The following HERC1 variants were observed in gnomAD, a reference collection of about 807,000 sequenced individuals.
HERC1 encodes the protein HECT and RLD domain containing E3 ubiquitin protein ligase family member 1.
HERC1 carries 160 observed loss-of-function variants against 554.3 expected under a neutral mutation model. The observed-to-expected ratio is 0.29, with a 90% confidence interval of 0.25 to 0.33. The LOEUF is 0.33. HERC1 is among the 10% of genes least tolerant of loss of function. The probability of loss-of-function intolerance (pLI) is 1.00; values close to 1 mark genes in which losing one functional copy is unlikely to be tolerated. For synonymous variants in HERC1, 2,175 were observed against 2,131.7 expected (o/e 1.02, Z -0.56); for missense variants, 4,919 against 5,918.5 (o/e 0.83, Z 5.54).
Position 63,643,032 on chromosome 15 carries a change from C to G in HERC1, c.11358G>C (p.Val3786=). Residue 3786 remains valine, a synonymous_variant, in exon 59 of 78, where the codon GTG becomes GTC. Coordinates refer to ENST00000443617, the MANE Select transcript of HERC1 (RefSeq NM_003922.4). The stretch of plus-strand genomic sequence containing the variant: ...TGGTCTGAATAGCTCCAGAGCCTAT[C>G]ACAACAGTTTGCAAGACAGAGCCAT... The part of the protein sequence containing the change: ...LRDGSVLQTV[V]IGSGAIQTTV... The G allele has an allele frequency of 6.2e-7, 1 of 1,612,568 alleles. No homozygotes were observed. Among genetic ancestry groups the G allele is most frequent in the Non-Finnish European group, 8.5e-7 (1 of 1,178,958 alleles).
intron 2 of HERC1, among the ~76,000 whole-genome samples, chr15:63,768,292 A>C (rs2075846115): frequency 6.6e-6 from 1 of 152,230 alleles, no homozygotes. Flanking sequence ...TAAAATACAG[A>C]TCCTAATCAG....
intron 2 of HERC1, among the ~76,000 whole-genome samples, chr15:63,764,440 T>C (rs991329536): frequency 6.6e-6 from 1 of 152,172 alleles, no homozygotes; most frequent in East Asian, 1.9e-4. Flanking sequence ...TAAAAAGTGA[T>C]TTATTCCAAG....
At chr15:63,784,515 A>C (rs1229358471) in intron 1 of HERC1, among the ~76,000 whole-genome samples, 1 of 152,070 alleles carries the variant, frequency 6.6e-6, no homozygotes, top group Non-Finnish European at 1.5e-5. Context: ...GGAGAAGGAG[A>C]ATTGGGTTAC....
chr15:63,627,495 G>A (rs139648855), intron 70 of HERC1, among the ~76,000 whole-genome samples: 1,781 of 152,136 alleles, frequency 0.012, 19 homozygotes, highest in Middle Eastern at 0.02. Flanking sequence ...CCAATATGGC[G>A]AAACACCATC....
intron 1 of HERC1, among the ~76,000 whole-genome samples, chr15:63,793,561 T>A (rs1332240795): frequency 6.6e-6 from 1 of 152,210 alleles, no homozygotes; most frequent in Non-Finnish European, 1.5e-5. Flanking sequence ...GTTTAGTATA[T>A]AATCAAGAAA....
chr15:63,662,163 TC>T (rs765911332), intron 44 of HERC1, 142 bp from the exon 45 acceptor site: 96 of 933,616 alleles, frequency 1.0e-4, no homozygotes, highest in Non-Finnish European at 1.4e-4. Context: ...ATAAAAAATT[TC>T]TTTCAAATCA....
chr15:63,650,179 G>A (rs2069593988), intron 53 of HERC1, among the ~76,000 whole-genome samples: 2 of 151,994 alleles, frequency 1.3e-5, no homozygotes, highest in Non-Finnish European at 2.9e-5. Flanking sequence ...AAGACGGGCG[G>A]ATCACCTGAG....
chr15:63,644,130 C>T (rs1245971366), intron 57 of HERC1, among the ~76,000 whole-genome samples: 1 of 152,238 alleles, frequency 6.6e-6, no homozygotes, highest in Non-Finnish European at 1.5e-5. Context: ...GAGTTGGCTA[C>T]TCCTTCCCTC....
intron 14 of HERC1, among the ~76,000 whole-genome samples, chr15:63,731,137 T>C (rs1327919126): frequency 6.6e-6 from 1 of 152,244 alleles, no homozygotes; most frequent in Non-Finnish European, 1.5e-5. Context: ...ATTGAACACA[T>C]GTACCATAAA....
Position 63,697,920 on chromosome 15 carries a change from G to A in HERC1, c.4905+808C>T, listed in dbSNP as rs535902523. On this transcript the variant is annotated intron_variant, in intron 26 of 77. Coordinates refer to ENST00000443617, the MANE Select transcript of HERC1 (RefSeq NM_003922.4). ...ACTTCCTGCAGGGAGAACTATGGAAGAATTGTGGACATGTTAAAACCACAA... is the reference window on the plus strand; with the variant it reads ...ACTTCCTGCAGGGAGAACTATGGAAAAATTGTGGACATGTTAAAACCACAA... Among the ~76,000 whole-genome samples the A allele has an allele frequency of 5.9e-5, 9 of 152,312 alleles. No individual in the cohort carries two copies. The South Asian group carries it at 1.7e-3, about 28-fold the overall frequency.
chr15:63,637,070 T>C (rs753192394), intron 64 of HERC1: 33 of 455,796 alleles, frequency 7.2e-5, no homozygotes, highest in Non-Finnish European at 1.3e-4. Context: ...GCTTGTACAG[T>C]GGTTTCTCCA....
intron 3 of HERC1, among the ~76,000 whole-genome samples, chr15:63,760,080 C>A (rs1377523447): frequency 6.8e-6 from 1 of 146,930 alleles, no homozygotes; most frequent in African/African-American, 2.5e-5. Context: ...CAGGACAAAG[C>A]CCCTACACTG....
intron 1 of HERC1, among the ~76,000 whole-genome samples, chr15:63,803,342 A>C (rs1328421762): frequency 6.6e-6 from 1 of 152,218 alleles, no homozygotes; most frequent in Non-Finnish European, 1.5e-5. Context: ...GATTCAAACC[A>C]GACTAGTCTG....
chr15:63,707,928 C>CAAAAAAAAAAAAAAA (rs71131176), intron 24 of HERC1, among the ~76,000 whole-genome samples: 5 of 55,160 alleles, frequency 9.1e-5, no homozygotes, highest in African/African-American at 2.5e-4. Context: ...GACTCCCTCT[C>CAAAAAAAAAAAAAAA]AAAAAAAAAA....
In HERC1 at chr15:63,713,502, G is replaced by A; in HGVS notation, c.4314C>T (p.Tyr1438=). Residue 1438 remains tyrosine (Y), a synonymous_variant, in exon 23 of 78, where the codon TAC becomes TAT. Transcript: ENST00000443617. ...GGATCACGGAGTTGCATGCAGCAGT[G>A]TACACATCCTGACCCTCAGGAAGGT... is the stretch of plus-strand genomic sequence containing the variant. ...STDLPEGQDV[Y]TAACNSVIHR... is the part of the protein sequence containing the mutation. 1 of 1,613,970 alleles carries A rather than the reference G, an allele frequency of 6.2e-7. No homozygotes were observed. Among genetic ancestry groups the A allele is most frequent in the East Asian group, 2.2e-5 (1 of 44,884 alleles).
At chr15:63,711,663 A>T (rs1358136634) in intron 24 of HERC1, among the ~76,000 whole-genome samples, 2 of 152,190 alleles carry the variant, frequency 1.3e-5, no homozygotes, top group South Asian at 2.1e-4. Flanking sequence ...ACAACAGAGG[A>T]ATTTCAGAAT....
At chr15:63,726,449 T>C (rs2074044344) in intron 17 of HERC1, among the ~76,000 whole-genome samples, 1 of 152,086 alleles carries the variant, frequency 6.6e-6, no homozygotes, top group South Asian at 2.1e-4. Context: ...AATGGATAAA[T>C]GATTAATAAA....
At chr15:63,647,434 A>C (rs1447641073) in intron 55 of HERC1, among the ~76,000 whole-genome samples, 2 of 152,124 alleles carry the variant, frequency 1.3e-5, no homozygotes, top group African/African-American at 4.8e-5. Context: ...TATAGAAAAC[A>C]GTATGGGGAT....
At chr15:63,805,953 A>C (rs905522322) in intron 1 of HERC1, among the ~76,000 whole-genome samples, 6 of 151,898 alleles carry the variant, frequency 4.0e-5, no homozygotes, top group East Asian at 1.9e-4. Flanking sequence ...AAAACAAAAA[A>C]AAAAAAACAA....
Sources: gnomAD v4.1 joint callset for allele counts (sites outside exome capture counted in the v4.1 genomes callset) on GRCh38, gnomAD v4.1.1 for gene constraint, MANE v1.5 for transcripts, NCBI Gene and HGNC (gene_info 2026-07-23, HGNC 2026-07-21) for gene names.